Variants in TMC1 observed in about 807,000 individuals in gnomAD.
The protein encoded by TMC1 is transmembrane channel-like protein 1.
In TMC1, 84 loss-of-function variants were observed where a neutral mutation model predicts 105.8. The observed-to-expected ratio is 0.79, with a 90% CI of 0.67 to 0.95. The LOEUF is 0.95. Ranked by LOEUF, TMC1 falls within the 40% of genes least tolerant of loss-of-function variation. The probability of loss-of-function intolerance (pLI) is 0.00; values close to 1 mark genes in which losing one functional copy is unlikely to be tolerated. For missense variants in TMC1, 817 were observed against 914.1 expected, an observed-to-expected ratio of 0.89 and a Z score of 1.37; for synonymous variants, 315 against 311.5, an observed-to-expected ratio of 1.01 and a Z score of -0.12.
At chr9:72,531,571 C>T (rs1330617575) in intron 1 of TMC1, among the ~76,000 whole-genome samples, 1 of 152,202 alleles carries the variant, frequency 6.6e-6, no homozygotes, top group African/African-American at 2.4e-5. Context: ...CAGCTCTGCA[C>T]CTCTCTTATA....
At chr9:72,742,917 C>A (rs1418033024) in intron 10 of TMC1, among the ~76,000 whole-genome samples, 1 of 152,180 alleles carries the variant, frequency 6.6e-6, no homozygotes, top group East Asian at 1.9e-4. Context: ...AGACAGTAAT[C>A]AAAATGAACA....
intron 4 of TMC1, among the ~76,000 whole-genome samples, chr9:72,635,424 G>A (rs1363957164): frequency 6.6e-6 from 1 of 152,052 alleles, no homozygotes; most frequent in African/African-American, 2.4e-5. Flanking sequence ...TATCATTAGG[G>A]ACTTCCCAAA....
At chr9:72,776,911 A>G (rs957358647) in intron 13 of TMC1, among the ~76,000 whole-genome samples, 1 of 151,934 alleles carries the variant, frequency 6.6e-6, no homozygotes, top group Non-Finnish European at 1.5e-5. Context: ...TAGCCTTTTT[A>G]TTTTTAAAAA....
intron 13 of TMC1, among the ~76,000 whole-genome samples, chr9:72,779,622 A>C (rs1828059633): frequency 6.6e-6 from 1 of 152,236 alleles, no homozygotes; most frequent in African/African-American, 2.4e-5. Context: ...ATACAATTGG[A>C]AGTATCAGGA....
chr9:72,596,539 T>TAAAAAAAAAA (rs35140344), intron 2 of TMC1, among the ~76,000 whole-genome samples: 2 of 102,248 alleles, frequency 2.0e-5, no homozygotes, highest in Admixed American at 1.1e-4. Flanking sequence ...GTTTCAATTG[T>TAAAAAAAAAA]AAAAAAAAAA....
chr9:72,592,538 C>G (rs565121926), intron 2 of TMC1, among the ~76,000 whole-genome samples: 1 of 152,302 alleles, frequency 6.6e-6, no homozygotes, highest in African/African-American at 2.4e-5. Flanking sequence ...GAATTTACCC[C>G]CTACTTCTCC....
intron 13 of TMC1, among the ~76,000 whole-genome samples, chr9:72,780,952 A>T (rs1208789529): frequency 6.6e-6 from 1 of 152,168 alleles, no homozygotes; most frequent in Non-Finnish European, 1.5e-5. Context: ...TGAACTCAAC[A>T]CATGACCAAA....
intron 2 of TMC1, among the ~76,000 whole-genome samples, chr9:72,602,766 T>C (rs1824840001): frequency 6.6e-6 from 1 of 152,208 alleles, no homozygotes; most frequent in Non-Finnish European, 1.5e-5. Flanking sequence ...TTGTGACTAA[T>C]ATTGCCTTTT....
chr9:72,810,136 T>TA (rs36058524), intron 18 of TMC1, among the ~76,000 whole-genome samples: 14,289 of 107,870 alleles, frequency 0.13, 933 homozygotes, highest in African/African-American at 0.21. Context: ...AGGCATAGAT[T>TA]AAAAAAAAAA....
chr9:72,708,657 G>T (rs1256671506), intron 8 of TMC1, among the ~76,000 whole-genome samples: 3 of 152,044 alleles, frequency 2.0e-5, no homozygotes, highest in Non-Finnish European at 4.4e-5. Flanking sequence ...TTAGTTCCAG[G>T]AGCTTTTTGG....
intron 4 of TMC1, among the ~76,000 whole-genome samples, chr9:72,636,302 G>A (rs1343577535): frequency 1.3e-5 from 2 of 152,158 alleles, no homozygotes; most frequent in Non-Finnish European, 2.9e-5. Context: ...GATTAGCAAA[G>A]TGCTATAGAA....
chr9:72,712,486 C>A (rs1826852535), intron 8 of TMC1, among the ~76,000 whole-genome samples: 1 of 152,028 alleles, frequency 6.6e-6, no homozygotes, highest in Admixed American at 6.5e-5. Context: ...CCTTCACATC[C>A]CTTGTAAGTT....
intron 12 of TMC1, among the ~76,000 whole-genome samples, chr9:72,770,818 G>A (rs1280719141): frequency 6.6e-6 from 1 of 152,126 alleles, no homozygotes; most frequent in Non-Finnish European, 1.5e-5. Context: ...GAGATGAGAT[G>A]TCCCAGCTCA....
Position 72,788,486 on chromosome 9 carries a change from A to G in TMC1, c.1029+3A>G, listed in dbSNP as rs1588083737. On this transcript the variant is annotated splice_donor_region_variant and intron_variant, in intron 14 of 23. Transcript: ENST00000297784. ...ATTCTATCACAATGAACTTTAAGGT[A>G]GAGGCACCAACTTCAAAAACCTGCT... 3.1e-6 allele frequency: 5 copies of G among 1,613,876 alleles called. No individual in the cohort carries two copies. The highest frequency in any genetic ancestry group is 1.3e-5 in the African/African-American group (1 of 74,948).
At chr9:72,605,266 C>G (rs1389380108) in intron 2 of TMC1, among the ~76,000 whole-genome samples, 1 of 152,190 alleles carries the variant, frequency 6.6e-6, no homozygotes, top group African/African-American at 2.4e-5. Flanking sequence ...CTTAAAACAA[C>G]AATTTATTAT....
chr9:72,572,058 A>G (rs573473025), intron 1 of TMC1, among the ~76,000 whole-genome samples: 2 of 152,062 alleles, frequency 1.3e-5, no homozygotes, highest in Admixed American at 1.3e-4. Context: ...CTGGTCTCGA[A>G]CTCCCAACCT....
intron 4 of TMC1, among the ~76,000 whole-genome samples, chr9:72,628,741 G>T (rs1825396882): frequency 6.6e-6 from 1 of 152,148 alleles, no homozygotes; most frequent in African/African-American, 2.4e-5. Flanking sequence ...AAAAAATTAG[G>T]TACCAGATAA....
rs767285617 is a variant in TMC1 at position 72,820,980 on chromosome 9, C to G, written c.1902C>G (p.Asn634Lys). ...ARVFKASRSNNFYLGMLLLIL... is the reference protein window; with the variant it reads ...ARVFKASRSNKFYLGMLLLIL... ...TCTTCAAAGCTTCCAGATCAAATAACTTCTACCTGGGCATGCTACTGCTCA... is the reference window on the plus strand; with the variant it reads ...TCTTCAAAGCTTCCAGATCAAATAAGTTCTACCTGGGCATGCTACTGCTCA... Residue 634 changes from asparagine to lysine, a missense_variant, in exon 20 of 24, where the codon AAC becomes AAG. Physicochemically the swap from Asn to Lys is moderately conservative, Grantham distance 94. Coordinates refer to ENST00000297784, the MANE Select transcript of TMC1 (RefSeq NM_138691.3). 1 of 1,614,144 alleles carries G rather than the reference C, an allele frequency of 6.2e-7. No homozygotes were observed. Among genetic ancestry groups the G allele is most frequent in the Admixed American group, 1.7e-5 (1 of 60,008 alleles).
intron 7 of TMC1, among the ~76,000 whole-genome samples, chr9:72,698,332 T>G (rs1826586422): frequency 6.6e-6 from 1 of 152,208 alleles, no homozygotes. Flanking sequence ...ATAGCATGAT[T>G]AAAAACTATA....
Sources: allele counts gnomAD v4.1 joint callset (sites outside exome capture counted in the v4.1 genomes callset), GRCh38; gene constraint gnomAD v4.1.1; transcripts MANE v1.5; gene names NCBI Gene and HGNC (gene_info 2026-07-23, HGNC 2026-07-21).